Variants in ALK observed in about 807,000 individuals in gnomAD.
ALK encodes ALK receptor tyrosine kinase.
ALK carries 74 observed loss-of-function variants against 163.1 expected under a neutral mutation model. That is an observed-to-expected ratio of 0.45 (90% CI 0.38 to 0.55). ALK has a LOEUF of 0.55. Among genes scored for constraint, ALK ranks in the 20% least tolerant of loss-of-function variants. The pLI, the probability that ALK is intolerant of heterozygous loss-of-function variation, is 0.00. For synonymous variants in ALK, 960 were observed against 843.2 expected, an observed-to-expected ratio of 1.14 and a Z score of -2.40; for missense variants, 2,063 against 2,105.3, an observed-to-expected ratio of 0.98 and a Z score of 0.39.
At chr2:29,387,018 A>G (rs1012979484) in intron 4 of ALK, among the ~76,000 whole-genome samples, 1 of 152,190 alleles carries the variant, frequency 6.6e-6, no homozygotes, top group African/African-American at 2.4e-5. Context: ...AGGGAAGGTT[A>G]TGTTCTGACC....
rs1303721371 is a variant in ALK, at chr2:29,920,735, T to C, written c.-76A>G. The C allele has an allele frequency of 7.6e-6, 10 of 1,318,158 alleles. No individual in the cohort carries two copies. The highest frequency in any genetic ancestry group is 1.0e-5 in the Non-Finnish European group (10 of 953,022). 81.7% of individuals were successfully genotyped at this position (1,318,158 alleles called of 1,614,324 possible). Reference sequence around the variant, plus strand: ...CGCTCTCCCCGAGATGGGAAGAGGCTCTGAACAGTCCTTGGTACCCAGCGG... The same window carrying C: ...CGCTCTCCCCGAGATGGGAAGAGGCCCTGAACAGTCCTTGGTACCCAGCGG... On this transcript the variant is annotated 5_prime_UTR_variant, in exon 1 of 29. Transcript: ENST00000389048.
At chr2:29,760,379 T>A (rs1680667119) in intron 1 of ALK, among the ~76,000 whole-genome samples, 1 of 152,204 alleles carries the variant, frequency 6.6e-6, no homozygotes, top group South Asian at 2.1e-4. Context: ...TGGCTGATAA[T>A]AATAGTACTT....
At chr2:29,475,391 C>A (rs1172196077) in intron 4 of ALK, among the ~76,000 whole-genome samples, 1 of 152,202 alleles carries the variant, frequency 6.6e-6, no homozygotes, top group Admixed American at 6.5e-5. Context: ...AAGAGGTGAA[C>A]TCTCCTGCCC....
intron 1 of ALK, among the ~76,000 whole-genome samples, chr2:29,772,035 A>G (rs1204612958): frequency 6.6e-6 from 1 of 152,212 alleles, no homozygotes. Context: ...AGCCAGATAA[A>G]GAGAATTCCC....
intron 1 of ALK, among the ~76,000 whole-genome samples, chr2:29,817,347 T>C (rs887825173): frequency 1.3e-5 from 2 of 152,204 alleles, no homozygotes; most frequent in African/African-American, 2.4e-5. Context: ...TTATAAATCA[T>C]ACTGCATGGT....
At chr2:29,669,493 T>C (rs926937969) in intron 3 of ALK, among the ~76,000 whole-genome samples, 1 of 152,204 alleles carries the variant, frequency 6.6e-6, no homozygotes, top group Admixed American at 6.5e-5. Context: ...GTGTCTTTTG[T>C]ATGTGAAGTG....
intron 1 of ALK, among the ~76,000 whole-genome samples, chr2:29,883,721 G>T (rs1464184163): frequency 6.6e-6 from 1 of 152,146 alleles, no homozygotes; most frequent in African/African-American, 2.4e-5. Flanking sequence ...ATTAAATATG[G>T]ATAACCTTTG....
chr2:29,538,507 G>A (rs1482850205), intron 3 of ALK, among the ~76,000 whole-genome samples: 1 of 152,124 alleles, frequency 6.6e-6, no homozygotes, highest in Admixed American at 6.5e-5. Flanking sequence ...CCCTCACTCA[G>A]GAAACAGATG....
intron 1 of ALK, among the ~76,000 whole-genome samples, chr2:29,876,492 A>G (rs1292683509): frequency 4.4e-5 from 6 of 136,128 alleles, no homozygotes; most frequent in African/African-American, 8.4e-5. Context: ...TGGTGATGGT[A>G]GTGGTAATGG....
chr2:29,761,400 T>A (rs768448657), intron 1 of ALK, among the ~76,000 whole-genome samples: 5 of 152,172 alleles, frequency 3.3e-5, no homozygotes, highest in Non-Finnish European at 7.3e-5. Flanking sequence ...AATAGGATGA[T>A]GAATATGCTC....
intron 3 of ALK, among the ~76,000 whole-genome samples, chr2:29,564,438 A>C (rs1573459601): frequency 1.9e-5 from 2 of 102,882 alleles, no homozygotes; most frequent in Non-Finnish European, 2.1e-5. Context: ...GATCCCTACC[A>C]CCACCCCCAC....
At chr2:29,304,777 T>C (rs1006419855) in intron 8 of ALK, among the ~76,000 whole-genome samples, 14 of 152,236 alleles carry the variant, frequency 9.2e-5, no homozygotes. Flanking sequence ...TATTTTGTTA[T>C]AGACAAACTT....
intron 12 of ALK, among the ~76,000 whole-genome samples, 168 bp from the exon 13 acceptor site, chr2:29,239,998 G>A (rs1369106151): frequency 2.0e-5 from 3 of 152,180 alleles, no homozygotes; most frequent in African/African-American, 7.2e-5. Context: ...TTCAGGAAAG[G>A]ACGATCAAGT....
chr2:29,552,364 C>T (rs1673735397), intron 3 of ALK, among the ~76,000 whole-genome samples: 1 of 152,090 alleles, frequency 6.6e-6, no homozygotes, highest in Non-Finnish European at 1.5e-5. Flanking sequence ...GGTGTATATG[C>T]AGGAATGGAA....
chr2:29,657,084 G>A (rs1369727315), intron 3 of ALK, among the ~76,000 whole-genome samples: 1 of 152,102 alleles, frequency 6.6e-6, no homozygotes, highest in East Asian at 1.9e-4. Flanking sequence ...CCAATAGGTG[G>A]ATCTTTTGTG....
chr2:29,546,013 T>G (rs910113043), intron 3 of ALK, among the ~76,000 whole-genome samples: 4 of 152,230 alleles, frequency 2.6e-5, no homozygotes, highest in Non-Finnish European at 5.9e-5. Flanking sequence ...CATGTGTGTG[T>G]GTAGTAAAAT....
At chr2:29,778,247 A>G (rs1681233225) in intron 1 of ALK, among the ~76,000 whole-genome samples, 1 of 152,144 alleles carries the variant, frequency 6.6e-6, no homozygotes, top group Non-Finnish European at 1.5e-5. Context: ...AATCACCTCT[A>G]AGCGAATCCA....
intron 3 of ALK, among the ~76,000 whole-genome samples, chr2:29,683,873 C>T (rs966055824): frequency 6.6e-6 from 1 of 152,236 alleles, no homozygotes; most frequent in Non-Finnish European, 1.5e-5. Context: ...ATGCCATTTT[C>T]CTGTTTACAG....
At chr2:29,594,720 C>G (rs1019575393) in intron 3 of ALK, among the ~76,000 whole-genome samples, 1 of 151,768 alleles carries the variant, frequency 6.6e-6, no homozygotes, top group Non-Finnish European at 1.5e-5. Flanking sequence ...AGCCACTGCA[C>G]CCAGCCAAGT....
Sources: gnomAD v4.1 joint callset for allele counts (sites outside exome capture counted in the v4.1 genomes callset) on GRCh38, gnomAD v4.1.1 for gene constraint, MANE v1.5 for transcripts, NCBI Gene and HGNC (gene_info 2026-07-23, HGNC 2026-07-21) for gene names.